Variants in GRID2 observed in about 807,000 individuals in gnomAD.
GRID2 encodes the protein glutamate ionotropic receptor delta type subunit 2.
GRID2 carries 33 observed loss-of-function variants against 114.8 expected under a neutral mutation model. That is an observed-to-expected ratio of 0.29 (90% CI 0.22 to 0.38). The LOEUF is 0.38. Among genes scored for constraint, GRID2 ranks in the 10% least tolerant of loss-of-function variants. The probability of loss-of-function intolerance (pLI) is 1.00; values close to 1 mark genes in which losing one functional copy is unlikely to be tolerated. For synonymous variants in GRID2, 505 were observed against 449.9 expected (o/e 1.12, Z -1.55); for missense variants, 1,184 against 1,257.7 (o/e 0.94, Z 0.89).
chr4:92,566,602 T>C (rs1727347592), intron 1 of GRID2, among the ~76,000 whole-genome samples: 1 of 152,018 alleles, frequency 6.6e-6, no homozygotes, highest in African/African-American at 2.4e-5. Context: ...TACACTGAGA[T>C]ATTTTTCTAG....
intron 14 of GRID2, among the ~76,000 whole-genome samples, chr4:93,727,964 G>GT (rs1425821353): frequency 3.3e-5 from 5 of 152,068 alleles, no homozygotes; most frequent in African/African-American, 4.8e-5. Context: ...TTTTTGAAGG[G>GT]TTTTTTGTGT....
chr4:93,229,966 G>T (rs1288664786), intron 7 of GRID2, among the ~76,000 whole-genome samples: 1 of 151,982 alleles, frequency 6.6e-6, no homozygotes, highest in Non-Finnish European at 1.5e-5. Context: ...TGTTATTTAC[G>T]TGGATGTTGT....
chr4:92,343,723 G>A (rs1046341717), intron 1 of GRID2, among the ~76,000 whole-genome samples: 7 of 151,890 alleles, frequency 4.6e-5, no homozygotes, highest in African/African-American at 1.7e-4. Context: ...ATAGGCACCC[G>A]CCACCATGCC....
intron 1 of GRID2, among the ~76,000 whole-genome samples, chr4:92,439,348 G>T (rs574327587): frequency 1.3e-5 from 2 of 152,100 alleles, no homozygotes; most frequent in Non-Finnish European, 2.9e-5. Context: ...CCATCTGGGC[G>T]TATATGTGCA....
At chr4:92,867,216 T>C (rs1283550074) in intron 2 of GRID2, among the ~76,000 whole-genome samples, 1 of 152,136 alleles carries the variant, frequency 6.6e-6, no homozygotes, top group African/African-American at 2.4e-5. Context: ...ATTTATCCCA[T>C]TGTCTTTTAT....
chr4:93,364,038 T>C (rs1762112997), intron 8 of GRID2, among the ~76,000 whole-genome samples: 2 of 152,098 alleles, frequency 1.3e-5, no homozygotes, highest in African/African-American at 4.8e-5. Flanking sequence ...TGTGTTGTAT[T>C]CATTGTAGTT....
intron 2 of GRID2, among the ~76,000 whole-genome samples, chr4:92,795,704 T>G (rs1739830124): frequency 6.6e-6 from 1 of 152,038 alleles, no homozygotes; most frequent in South Asian, 2.1e-4. Flanking sequence ...AAAATAGTCT[T>G]GAATAATTGG....
intron 14 of GRID2, among the ~76,000 whole-genome samples, chr4:93,724,252 G>A (rs893233374): frequency 3.3e-5 from 5 of 152,126 alleles, no homozygotes; most frequent in South Asian, 2.1e-4. Flanking sequence ...ATGTTCAAGC[G>A]CATGCGGGAT....
chr4:92,628,010 TACAG>T (rs1730607122), intron 2 of GRID2, among the ~76,000 whole-genome samples: 1 of 152,174 alleles, frequency 6.6e-6, no homozygotes, highest in African/African-American at 2.4e-5. Flanking sequence ...CTAATACAGA[TACAG>T]ACAAAATATG....
At chr4:92,962,775 C>T (rs978311027) in intron 2 of GRID2, among the ~76,000 whole-genome samples, 1 of 151,936 alleles carries the variant, frequency 6.6e-6, no homozygotes, top group Non-Finnish European at 1.5e-5. Flanking sequence ...TTTTGACTCT[C>T]AGAATTTTCC....
rs926826259 is a variant in GRID2, at chr4:93,568,077, C to A, written c.2193+52666C>A. 2.6e-5 allele frequency among the ~76,000 whole-genome samples: 4 copies of A among 152,066 alleles called. No individual in the cohort carries two copies. The East Asian group carries it at 7.7e-4, about 29-fold the overall frequency. On this transcript the variant is annotated intron_variant, in intron 13 of 15. Coordinates refer to ENST00000282020, the MANE Select transcript of GRID2 (RefSeq NM_001510.4). ...CAAATAGATACAATCTCAGCTCTGC[C>A]CTATCTGTGTGTATTGGGACAACAT...
chr4:93,630,117 TA>T (rs1200330268), intron 14 of GRID2, among the ~76,000 whole-genome samples: 3 of 152,212 alleles, frequency 2.0e-5, no homozygotes. Flanking sequence ...TAGAAATGGC[TA>T]GAAGAGTTTT....
rs886597118 is a variant in GRID2 at position 93,095,525 on chromosome 4, T to C, written c.529+10246T>C. 2.0e-5 allele frequency among the ~76,000 whole-genome samples: 3 copies of C among 152,150 alleles called. No homozygotes were observed. The South Asian group carries it at 6.2e-4, about 31-fold the overall frequency. ...AAAGGAAGAAGCAAATATGTCTTTATTTCTCAATACATAATAATGCACATA... is the reference window on the plus strand; with the variant it reads ...AAAGGAAGAAGCAAATATGTCTTTACTTCTCAATACATAATAATGCACATA... On this transcript the variant is annotated intron_variant, in intron 3 of 15. Coordinates refer to ENST00000282020, the MANE Select transcript of GRID2 (RefSeq NM_001510.4).
chr4:92,510,111 G>A (rs1217796511), intron 1 of GRID2, among the ~76,000 whole-genome samples: 1 of 151,906 alleles, frequency 6.6e-6, no homozygotes, highest in African/African-American at 2.4e-5. Context: ...ACAATAATCT[G>A]AGAGGGTGGA....
At chr4:92,437,554 C>G (rs776238414) in intron 1 of GRID2, among the ~76,000 whole-genome samples, 31 of 152,348 alleles carry the variant, frequency 2.0e-4, no homozygotes, top group Admixed American at 5.2e-4. Context: ...CAGGCGTGAG[C>G]TACTGGGCCC....
chr4:93,055,030 A>G (rs549986023), intron 2 of GRID2, among the ~76,000 whole-genome samples: 3 of 152,072 alleles, frequency 2.0e-5, no homozygotes, highest in South Asian at 4.1e-4. Context: ...TCTTATCACA[A>G]TGCCAAGTTA....
At chr4:92,835,181 C>A (rs1742369485) in intron 2 of GRID2, among the ~76,000 whole-genome samples, 1 of 91,972 alleles carries the variant, frequency 1.1e-5, no homozygotes, top group Admixed American at 1.2e-4. Flanking sequence ...CAACAAGCAG[C>A]TGAAAGAGGT....
chr4:93,108,370 A>G (rs1732446662), intron 3 of GRID2, among the ~76,000 whole-genome samples: 1 of 152,194 alleles, frequency 6.6e-6, no homozygotes, highest in African/African-American at 2.4e-5. Flanking sequence ...ATGTTTTTGG[A>G]GAACAAGTTT....
chr4:92,367,663 T>C (rs952706389), intron 1 of GRID2, among the ~76,000 whole-genome samples: 1 of 152,082 alleles, frequency 6.6e-6, no homozygotes, highest in African/African-American at 2.4e-5. Context: ...ACATAAGCTA[T>C]GGTATTTTCA....
Sources: allele counts gnomAD v4.1 joint callset (sites outside exome capture counted in the v4.1 genomes callset), GRCh38; gene constraint gnomAD v4.1.1; transcripts MANE v1.5; gene names NCBI Gene and HGNC (gene_info 2026-07-23, HGNC 2026-07-21).